Variants in CAMK2B observed in about 807,000 individuals in gnomAD.
CAMK2B encodes calcium/calmodulin-dependent protein kinase type II subunit beta.
A neutral mutation model predicts 93.7 loss-of-function variants in CAMK2B; 27 were observed. The ratio of observed to expected loss-of-function variants is 0.29; its 90% CI spans 0.21 to 0.40. The LOEUF (loss-of-function observed/expected upper bound fraction) is 0.40. Among genes scored for constraint, CAMK2B ranks in the 10% least tolerant of loss-of-function variants. The probability of loss-of-function intolerance (pLI) is 1.00; values close to 1 mark genes in which losing one functional copy is unlikely to be tolerated. For missense variants in CAMK2B, 568 were observed against 895.8 expected (o/e 0.63, Z 4.67); for synonymous variants, 374 against 358.8 (o/e 1.04, Z -0.48).
rs574518450 is a variant in CAMK2B, at chr7:44,251,186, G to A, written c.341+3356C>T. On this transcript the variant is annotated intron_variant, in intron 5 of 23. Coordinates refer to ENST00000395749, the MANE Select transcript of CAMK2B (RefSeq NM_001220.5). ...GCCTGGGTCTGGCCAGGAGGCCTCG[G>A]CCCATCCTGTCCCGCGCCTGTCCTT... is the stretch of plus-strand genomic sequence containing the variant. Among the ~76,000 whole-genome samples, 82 of 152,232 alleles carry A rather than the reference G, an allele frequency of 5.4e-4. 1 individual carries two copies. The South Asian group carries it at 0.016, about 29-fold the overall frequency.
At chr7:44,301,498 C>T (rs557541939) in intron 1 of CAMK2B, among the ~76,000 whole-genome samples, 8 of 152,222 alleles carry the variant, frequency 5.3e-5, no homozygotes, top group South Asian at 2.1e-4. Flanking sequence ...AAGAAGAGGC[C>T]GGGCACAGTG....
chr7:44,241,324 T>A (rs2096676302), intron 11 of CAMK2B, among the ~76,000 whole-genome samples: 1 of 152,086 alleles, frequency 6.6e-6, no homozygotes, highest in Non-Finnish European at 1.5e-5. Flanking sequence ...GTGGCTCTGC[T>A]CTCCTTACCA....
intron 20 of CAMK2B, 154 bp from the exon 21 acceptor site, chr7:44,221,055 C>T (rs1046649553): frequency 1.6e-6 from 1 of 611,150 alleles, no homozygotes; most frequent in South Asian, 1.9e-5. Flanking sequence ...GCCGCCCCCC[C>T]TGCATCACCA....
At chr7:44,280,766 T>A (rs2097095750) in intron 2 of CAMK2B, among the ~76,000 whole-genome samples, 1 of 151,976 alleles carries the variant, frequency 6.6e-6, no homozygotes, top group African/African-American at 2.4e-5. Context: ...TGGGAAGGGA[T>A]CCATCCCACA....
At chr7:44,230,967 C>G in intron 17 of CAMK2B, 39 bp downstream of exon 17, 6 of 1,543,520 alleles carry the variant, frequency 3.9e-6, no homozygotes, top group Non-Finnish European at 3.5e-6. Flanking sequence ...CCCAGCAATG[C>G]CAAGGCCGCT....
intron 18 of CAMK2B, 31 bp downstream of exon 18, chr7:44,229,356 AC>A: frequency 7.0e-7 from 1 of 1,426,948 alleles, no homozygotes; most frequent in Non-Finnish European, 9.5e-7. Flanking sequence ...CTCCAACATG[AC>A]CCCCACAGCA....
chr7:44,292,269 C>T (rs1400588079), intron 1 of CAMK2B, among the ~76,000 whole-genome samples: 4 of 152,166 alleles, frequency 2.6e-5, no homozygotes, highest in Admixed American at 2.0e-4. Context: ...TTTACAAGAA[C>T]GACAGTCATA....
In CAMK2B at chr7:44,284,167, C is replaced by T; in HGVS notation, c.124G>A (p.Ala42Thr). The T allele has an allele frequency of 6.2e-7, 1 of 1,613,948 alleles. No individual in the cohort carries two copies. Reference protein sequence around the residue: ...VKLCTGHEYAAKIINTKKLSA... With the variant: ...VKLCTGHEYATKIINTKKLSA... ...AGCTTCTTGGTGTTGATGATCTTGG[C>T]TGCATACTCATGGCCGGTGCAGAGC... Residue 42 changes from alanine (A) to threonine (T), a missense_variant, in exon 2 of 24, where the codon GCC (alanine) becomes ACC (threonine). This residue lies in a region of CAMK2B where 105 missense variants were observed against 372.4 expected (regional missense o/e 0.28). Coordinates refer to ENST00000395749, the MANE Select transcript of CAMK2B (RefSeq NM_001220.5).
At position 44,325,549 on chromosome 7, in the gene CAMK2B, G is replaced by T; in HGVS notation, c.-128C>A. ...GACACCTCGGCTCGCGGCGCCAGGC[G>T]GGGGCCGGGCTGGGCTGCGCCGGGC... On this transcript the variant is annotated 5_prime_UTR_variant, in exon 1 of 24. Transcript: ENST00000395749. 2.6e-6 allele frequency: 1 copy of T among 390,628 alleles called. No homozygotes were observed. The highest frequency in any genetic ancestry group is 3.5e-6 in the Non-Finnish European group (1 of 288,974). 24.2% of individuals were successfully genotyped at this position (390,628 alleles called of 1,614,324 possible). A position where few individuals can be genotyped will look rare whatever the true frequency, so the allele number is the denominator to read the frequency against.
At chr7:44,268,658 C>T (rs1205159179) in intron 2 of CAMK2B, 1 of 152,456 alleles carries the variant, frequency 6.6e-6, no homozygotes, top group African/African-American at 2.4e-5. Context: ...CCCAGATCCA[C>T]AGGACCCCCG....
In CAMK2B at chr7:44,284,210, C is replaced by A. The variant is rs1479244505; in HGVS notation, c.81G>T (p.Val27=). Reference sequence around the variant, plus strand: ...TGCAGAGCTTGACACAGCGTCGGACCACAGAGAAAGCCCCCCTGGGGAGGA... The same window carrying A: ...TGCAGAGCTTGACACAGCGTCGGACAACAGAGAAAGCCCCCCTGGGGAGGA... The part of the protein sequence containing the change: ...YEDIGKGAFS[V]VRRCVKLCTG... Residue 27 remains valine (V), a synonymous_variant, in exon 2 of 24, where the codon GTG becomes GTT. Coordinates refer to ENST00000395749, the MANE Select transcript of CAMK2B (RefSeq NM_001220.5). 8 of 1,613,232 alleles carry A rather than the reference C, an allele frequency of 5.0e-6. No individual in the cohort carries two copies. The South Asian group carries it at 8.8e-5, about 18-fold the overall frequency.
intron 2 of CAMK2B, among the ~76,000 whole-genome samples, chr7:44,276,389 G>A (rs750367621): frequency 6.6e-6 from 1 of 152,210 alleles, no homozygotes; most frequent in Non-Finnish European, 1.5e-5. Context: ...CAAGAAAACT[G>A]CAGTACCGGC....
intron 4 of CAMK2B, among the ~76,000 whole-genome samples, chr7:44,258,425 A>G (rs936449123): frequency 6.6e-6 from 1 of 152,226 alleles, no homozygotes; most frequent in African/African-American, 2.4e-5. Flanking sequence ...ACCCACACAC[A>G]TACATACAGG....
Position 44,224,247 on chromosome 7 carries a change from GCCCAGACCCCAGCTCAA to G in CAMK2B, c.1597+2252_1597+2268del, listed in dbSNP as rs1180479698. On this transcript the variant is annotated intron_variant, in intron 20 of 23. Coordinates refer to ENST00000395749, the MANE Select transcript of CAMK2B (RefSeq NM_001220.5). The surrounding 1 kb of genome is among the most constrained non-coding windows in gnomAD (Gnocchi z 4.4). ...TGCCCCTGCCCTGCGGAATGGCGCT[GCCCAGACCCCAGCTCAA>G]CCCAGCCCCCACTCTGCCTCCCCAC... Among the ~76,000 whole-genome samples the G allele has an allele frequency of 2.0e-5, 3 of 151,284 alleles. No homozygotes were observed. The highest frequency in any genetic ancestry group is 3.0e-5 in the Non-Finnish European group (2 of 67,536).
intron 22 of CAMK2B, 28 bp from the exon 23 acceptor site, chr7:44,220,322 T>C: frequency 6.4e-7 from 1 of 1,569,734 alleles, no homozygotes; most frequent in Non-Finnish European, 8.7e-7. Flanking sequence ...GGCGGGGGTC[T>C]CGGGTTACCA....
chr7:44,302,692 CA>C (rs1790402721), intron 1 of CAMK2B, among the ~76,000 whole-genome samples: 2 of 152,092 alleles, frequency 1.3e-5, no homozygotes, highest in Admixed American at 1.3e-4. Context: ...AAGAATCTGA[CA>C]AAAATCCAAC....
intron 8 of CAMK2B, among the ~76,000 whole-genome samples, chr7:44,243,039 C>T (rs959272730): frequency 3.3e-5 from 5 of 152,238 alleles, no homozygotes; most frequent in African/African-American, 7.2e-5. Context: ...CACTGGGGTG[C>T]GCCAGGTTCA....
intron 1 of CAMK2B, among the ~76,000 whole-genome samples, chr7:44,321,903 A>T (rs1392294681): frequency 6.6e-6 from 1 of 152,232 alleles, no homozygotes; most frequent in Non-Finnish European, 1.5e-5. Flanking sequence ...CTGCTGTGTG[A>T]GTGGACACTG....
At chr7:44,255,490 G>T (rs928197033) in intron 4 of CAMK2B, among the ~76,000 whole-genome samples, 37 of 152,138 alleles carry the variant, frequency 2.4e-4, no homozygotes, top group African/African-American at 8.2e-4. Context: ...CCCTGAGAAG[G>T]TTAGGGTCAC....
Sources: allele counts gnomAD v4.1 joint callset (sites outside exome capture counted in the v4.1 genomes callset), GRCh38; gene constraint gnomAD v4.1.1; regional missense constraint gnomAD v4.1.1; non-coding constraint Gnocchi (gnomAD v3.1); transcripts MANE v1.5; gene names NCBI Gene and HGNC (gene_info 2026-07-23, HGNC 2026-07-21).